Variants in AGO4 observed in about 807,000 individuals in gnomAD.
AGO4 encodes the protein argonaute RISC component 4.
AGO4 carries 33 observed loss-of-function variants against 104.7 expected under a neutral mutation model. That is an observed-to-expected ratio of 0.32 (90% CI 0.24 to 0.42). The LOEUF is 0.42. Among genes scored for constraint, AGO4 ranks in the 10% least tolerant of loss-of-function variants. The pLI is 1.00. For missense variants in AGO4, 711 were observed against 1,083.4 expected (o/e 0.66, Z 4.83); for synonymous variants, 331 against 364.7 (o/e 0.91, Z 1.05).
chr1:35,829,229 T>A (rs998367873), intron 7 of AGO4, among the ~76,000 whole-genome samples: 1 of 152,008 alleles, frequency 6.6e-6, no homozygotes, highest in Admixed American at 6.6e-5. Context: ...TGACCTCATG[T>A]ACACACTACA....
rs560938254 is a variant in AGO4, at chr1:35,825,547, G to A, written c.488+53G>A. ...TACAAATGTCAGACTTTTTTGGTAGGTTGTACTGGAGCCATTGAAAAATTT... is the reference window on the plus strand; with the variant it reads ...TACAAATGTCAGACTTTTTTGGTAGATTGTACTGGAGCCATTGAAAAATTT... On this transcript the variant is annotated intron_variant, in intron 4 of 17. Coordinates refer to ENST00000373210, the MANE Select transcript of AGO4 (RefSeq NM_017629.4). 2.5e-6 allele frequency: 4 copies of A among 1,581,694 alleles called. No homozygotes were observed. The South Asian group carries it at 4.6e-5, about 18-fold the overall frequency.
chr1:35,826,971 G>A (rs1271354631), intron 7 of AGO4, 136 bp downstream of exon 7: 5 of 831,480 alleles, frequency 6.0e-6, no homozygotes, highest in Admixed American at 5.7e-5. Flanking sequence ...AGAGGCCGAG[G>A]TAGGTGGATC....
intron 12 of AGO4, among the ~76,000 whole-genome samples, chr1:35,835,125 C>T (rs554251108): frequency 6.0e-5 from 9 of 150,838 alleles, no homozygotes; most frequent in African/African-American, 2.2e-4. Context: ...ATTCTCCTGC[C>T]TCAGCCCCCC....
At chr1:35,840,127 G>A (rs1644404828) in intron 13 of AGO4, among the ~76,000 whole-genome samples, 1 of 149,596 alleles carries the variant, frequency 6.7e-6, no homozygotes, top group Non-Finnish European at 1.5e-5. Flanking sequence ...CAGTAGCTGG[G>A]ATTACAGGTG....
intron 17 of AGO4, among the ~76,000 whole-genome samples, chr1:35,853,183 A>C (rs1456233976): frequency 6.6e-6 from 1 of 150,422 alleles, no homozygotes; most frequent in South Asian, 2.1e-4. Context: ...CCCGGGAGGC[A>C]GAGCTTGCAG....
At chr1:35,844,266 A>T (rs1644514831) in intron 15 of AGO4, among the ~76,000 whole-genome samples, 1 of 151,868 alleles carries the variant, frequency 6.6e-6, no homozygotes, top group South Asian at 2.1e-4. Context: ...CTGATCTTGA[A>T]CTCTTGGGCT....
chr1:35,827,666 A>G lies in AGO4; in HGVS notation c.848+831A>G, dbSNP rs532483157. Among the ~76,000 whole-genome samples, 66 of 152,172 alleles carry G rather than the reference A, an allele frequency of 4.3e-4. 1 individual carries two copies. Among genetic ancestry groups the G allele is most frequent in the African/African-American group, 1.5e-3 (61 of 41,524 alleles). ...AAACACATTCCTTGCCTTTAATTCA[A>G]TTTACCTCTTAAGTAGAGTATGTTA... is the stretch of plus-strand genomic sequence containing the variant. On this transcript the variant is annotated intron_variant, in intron 7 of 17. Coordinates refer to ENST00000373210, the MANE Select transcript of AGO4 (RefSeq NM_017629.4).
At chr1:35,846,782 C>A (rs1286775559) in intron 15 of AGO4, among the ~76,000 whole-genome samples, 1 of 151,934 alleles carries the variant, frequency 6.6e-6, no homozygotes, top group Non-Finnish European at 1.5e-5. Flanking sequence ...GTTCTGTAGG[C>A]ATCACCACAA....
At chr1:35,835,474 C>T (rs1644291034) in intron 12 of AGO4, among the ~76,000 whole-genome samples, 1 of 151,964 alleles carries the variant, frequency 6.6e-6, no homozygotes, top group East Asian at 1.9e-4. Context: ...TTCAAAGGGC[C>T]GGTGTGTGTA....
intron 13 of AGO4, among the ~76,000 whole-genome samples, chr1:35,840,441 C>T (rs1437884897): frequency 2.6e-5 from 4 of 152,118 alleles, no homozygotes; most frequent in East Asian, 3.9e-4. Context: ...GGATTACAGG[C>T]GTGAGTCACC....
At chr1:35,827,378 AGGCTTAGT>A (rs1421499770) in intron 7 of AGO4, among the ~76,000 whole-genome samples, 2 of 151,984 alleles carry the variant, frequency 1.3e-5, no homozygotes, top group Non-Finnish European at 2.9e-5. Flanking sequence ...AAAATTAGCC[AGGCTTAGT>A]GGCAGGCGCT....
Position 35,841,216 on chromosome 1 carries a change from C to A in AGO4, c.1776C>A (p.His592Gln), listed in dbSNP as rs1202421753. 3.1e-6 allele frequency: 5 copies of A among 1,613,526 alleles called. No individual in the cohort carries two copies. The highest frequency in any genetic ancestry group is 1.7e-5 in the Admixed American group (1 of 59,988). ...PVIFLGADVT[H>Q]PPAGDGKKPS... ...TCTTCCTGGGAGCGGATGTCACACACCCCCCAGCAGGGGATGGGAAGAAAC... is the reference window on the plus strand; with the variant it reads ...TCTTCCTGGGAGCGGATGTCACACAACCCCCAGCAGGGGATGGGAAGAAAC... The change falls in exon 14 of 18, where the codon CAC becomes CAA. Residue 592 changes from histidine (H) to glutamine (Q), a missense_variant. Physicochemically the swap from His to Gln is conservative, Grantham distance 24. Coordinates refer to ENST00000373210, the MANE Select transcript of AGO4 (RefSeq NM_017629.4). The surrounding 1 kb of genome is among the most constrained non-coding windows in gnomAD (Gnocchi z 4.7).
Position 35,841,521 on chromosome 1 carries a change from G to T in AGO4, c.2040+41G>T. 1.2e-6 allele frequency: 2 copies of T among 1,608,370 alleles called. No individual in the cohort carries two copies. The highest frequency in any genetic ancestry group is 1.7e-6 in the Non-Finnish European group (2 of 1,175,538). On this transcript the variant is annotated intron_variant, in intron 14 of 17. Coordinates refer to ENST00000373210, the MANE Select transcript of AGO4 (RefSeq NM_017629.4). This position sits in a 1 kb window ranked among gnomAD's most constrained non-coding sequence, Gnocchi z 4.7. ...CTGTTGCCCTTCGGGGCCCCTAGGA[G>T]TCTGAGGGAGATTCCTCTCATCTAC...
At chr1:35,839,746 C>A (rs1041944712) in intron 13 of AGO4, among the ~76,000 whole-genome samples, 6 of 152,012 alleles carry the variant, frequency 3.9e-5, no homozygotes, top group Admixed American at 2.0e-4. Flanking sequence ...TGGGACCTTA[C>A]CTTTAGTACC....
intron 11 of AGO4, 144 bp downstream of exon 11, chr1:35,832,714 T>TA: frequency 9.0e-7 from 1 of 1,114,878 alleles, no homozygotes. Context: ...GACCTTGTAT[T>TA]ATAGTAATTT....
In AGO4 at chr1:35,855,059, T is replaced by A. The variant is rs537601965; in HGVS notation, c.*1454T>A. The A allele has an allele frequency of 2.0e-5, 3 of 152,564 alleles. No individual in the cohort carries two copies. The highest frequency in any genetic ancestry group is 4.8e-5 in the African/African-American group (2 of 41,460). 9.5% of individuals were successfully genotyped at this position (152,564 alleles called of 1,614,324 possible). ...AGGGGAAAATGTATTCTGTATGTAG[T>A]GTAGATAATACTTTGTGAATGGACA... On this transcript the variant is annotated 3_prime_UTR_variant, in exon 18 of 18. Coordinates refer to ENST00000373210, the MANE Select transcript of AGO4 (RefSeq NM_017629.4).
chr1:35,844,598 G>A (rs1370873534), intron 15 of AGO4, among the ~76,000 whole-genome samples: 1 of 152,078 alleles, frequency 6.6e-6, no homozygotes, highest in African/African-American at 2.4e-5. Flanking sequence ...TTCAAACTCA[G>A]TTACATCTTG....
chr1:35,827,790 C>CTTTTTTTTTTTTT (rs142432459), intron 7 of AGO4, among the ~76,000 whole-genome samples: 1 of 103,850 alleles, frequency 9.6e-6, no homozygotes, highest in Non-Finnish European at 1.9e-5. Flanking sequence ...TGTTGTTATT[C>CTTTTTTTTTTTTT]TTTTTTTTTT....
intron 15 of AGO4, among the ~76,000 whole-genome samples, chr1:35,842,540 C>G (rs746565084): frequency 6.6e-6 from 1 of 152,226 alleles, no homozygotes; most frequent in Non-Finnish European, 1.5e-5. Flanking sequence ...CTGTGGCTCA[C>G]GCCTGTAATC....
Sources: allele counts gnomAD v4.1 joint callset (sites outside exome capture counted in the v4.1 genomes callset), GRCh38; gene constraint gnomAD v4.1.1; non-coding constraint Gnocchi (gnomAD v3.1); transcripts MANE v1.5; gene names NCBI Gene and HGNC (gene_info 2026-07-23, HGNC 2026-07-21).